Variants in RRAS2 observed in about 807,000 individuals in gnomAD.
RRAS2 encodes ras-related protein R-Ras2.
In RRAS2, 7 loss-of-function variants were observed where a neutral mutation model predicts 27.6. The ratio of observed to expected loss-of-function variants is 0.25; its 90% CI spans 0.14 to 0.48. The LOEUF (loss-of-function observed/expected upper bound fraction) is 0.48, where lower values mean the gene tolerates loss of function less well. RRAS2 is among the 20% of genes least tolerant of loss of function. The pLI is 0.99. For synonymous variants in RRAS2, 86 were observed against 90.9 expected (o/e 0.95, Z 0.31); for missense variants, 178 against 256.2 (o/e 0.69, Z 2.08).
chr11:14,363,257 G>A (rs1264976974), upstream of RRAS2, among the ~76,000 whole-genome samples: 2 of 152,154 alleles, frequency 1.3e-5, no homozygotes, highest in African/African-American at 4.8e-5. Context: ...GCTTTAGTGG[G>A]CTTTAAGAGC....
At chr11:14,296,637 C>T (rs1554946663) in intron 1 of RRAS2, among the ~76,000 whole-genome samples, 1 of 152,160 alleles carries the variant, frequency 6.6e-6, no homozygotes, top group Non-Finnish European at 1.5e-5. Flanking sequence ...TTTCTTTTCT[C>T]ACACTTTGTC....
At chr11:14,299,512 A>G (rs145732515) in intron 1 of RRAS2, among the ~76,000 whole-genome samples, 1 of 152,200 alleles carries the variant, frequency 6.6e-6, no homozygotes, top group Non-Finnish European at 1.5e-5. Flanking sequence ...GTTTCTTTAC[A>G]TGCTATGCAA....
intron 1 of RRAS2, among the ~76,000 whole-genome samples, chr11:14,346,935 G>T (rs1848846081): frequency 1.3e-5 from 2 of 152,084 alleles, no homozygotes; most frequent in Admixed American, 1.3e-4. Context: ...TGGGAGGATT[G>T]CTTGAGGCCA....
chr11:14,305,329 G>A (rs1298066029), intron 1 of RRAS2, among the ~76,000 whole-genome samples: 1 of 152,164 alleles, frequency 6.6e-6, no homozygotes, highest in East Asian at 1.9e-4. Flanking sequence ...ATATTCGGAG[G>A]CCAAACCACA....
intron 1 of RRAS2, among the ~76,000 whole-genome samples, chr11:14,319,445 A>G (rs1185366009): frequency 5.2e-5 from 7 of 134,728 alleles, no homozygotes; most frequent in Admixed American, 4.6e-4. Flanking sequence ...TGCAAGCTCC[A>G]CTTCCCGGGT....
In RRAS2 at chr11:14,324,984, T is replaced by C. The variant is rs1335684347; in HGVS notation, c.109-29129A>G. On this transcript the variant is annotated intron_variant, in intron 1 of 5. Transcript: ENST00000256196. ...GAGGGGAGAGATTATAAAGGGTTCA[T>C]AAATCTCTAAGCACAGCCTGTATTA... Among the ~76,000 whole-genome samples the C allele has an allele frequency of 2.6e-5, 4 of 152,206 alleles. No individual in the cohort carries two copies. The East Asian group carries it at 7.7e-4, about 29-fold the overall frequency.
exon 1 of RRAS2, chr11:14,364,489 G>T (rs1849228975): frequency 2.9e-6 from 3 of 1,046,468 alleles, no homozygotes; most frequent in South Asian, 2.7e-5. Flanking sequence ...CCCAGCAGGA[G>T]CTGCATGCAT....
chr11:14,294,389 C>A, intron 4 of RRAS2, 82 bp downstream of exon 4: 2 of 936,252 alleles, frequency 2.1e-6, no homozygotes, highest in Non-Finnish European at 1.6e-6. Flanking sequence ...TTTTACTAGA[C>A]TTTCAATTAT....
At chr11:14,315,504 A>T (rs561639666) in intron 1 of RRAS2, among the ~76,000 whole-genome samples, 2 of 152,366 alleles carry the variant, frequency 1.3e-5, no homozygotes, top group Non-Finnish European at 2.9e-5. Context: ...AACTAAATGT[A>T]ATGTGTTATC....
chr11:14,349,205 T>G (rs1848899690), intron 1 of RRAS2, among the ~76,000 whole-genome samples: 1 of 150,874 alleles, frequency 6.6e-6, no homozygotes, highest in Non-Finnish European at 1.5e-5. Flanking sequence ...CAAGCTGGAC[T>G]GCAGTGGCGC....
chr11:14,303,096 T>C (rs1479882197), intron 1 of RRAS2, among the ~76,000 whole-genome samples: 2 of 152,222 alleles, frequency 1.3e-5, no homozygotes, highest in African/African-American at 2.4e-5. Context: ...TGCAATGCTT[T>C]CAACACTCCA....
intron 1 of RRAS2, among the ~76,000 whole-genome samples, chr11:14,309,849 A>G (rs577144816): frequency 3.3e-5 from 5 of 152,242 alleles, no homozygotes; most frequent in Admixed American, 6.5e-5. Context: ...ATTCAAAGTG[A>G]AATGAAAACC....
At chr11:14,361,006 A>G (rs1392165009), upstream of RRAS2, among the ~76,000 whole-genome samples, 2 of 151,432 alleles carry the variant, frequency 1.3e-5, no homozygotes, top group Non-Finnish European at 2.9e-5. Context: ...TGAGCAAAAT[A>G]AAATTGTAGT....
intron 4 of RRAS2, among the ~76,000 whole-genome samples, chr11:14,284,930 A>G (rs945875793): frequency 3.9e-5 from 6 of 152,088 alleles, no homozygotes; most frequent in Non-Finnish European, 7.4e-5. Flanking sequence ...TTCTTGTAGC[A>G]TCTTGTTTTT....
intron 1 of RRAS2, among the ~76,000 whole-genome samples, chr11:14,338,079 G>C (rs183313784): frequency 2.8e-4 from 42 of 152,124 alleles, no homozygotes; most frequent in Admixed American, 2.6e-3. Context: ...ATATTTAAAA[G>C]TTATATTATA....
intron 1 of RRAS2, among the ~76,000 whole-genome samples, chr11:14,334,234 C>A (rs1848544649): frequency 6.6e-6 from 1 of 152,142 alleles, no homozygotes; most frequent in Non-Finnish European, 1.5e-5. Flanking sequence ...TAGTATTTTA[C>A]TAACCTGTGT....
intron 1 of RRAS2, among the ~76,000 whole-genome samples, chr11:14,355,036 T>C (rs782561026): frequency 1.1e-4 from 17 of 152,122 alleles, no homozygotes; most frequent in Non-Finnish European, 2.2e-4. Flanking sequence ...ACCTGCATTA[T>C]TTTATTTACT....
At chr11:14,342,975 T>G in intron 1 of RRAS2, among the ~76,000 whole-genome samples, 1 of 152,202 alleles carries the variant, frequency 6.6e-6, no homozygotes, top group East Asian at 1.9e-4. Context: ...CCATTTTAAG[T>G]AATAATGTAT....
intron 1 of RRAS2, among the ~76,000 whole-genome samples, chr11:14,337,386 C>G (rs1200852496): frequency 6.6e-6 from 1 of 152,098 alleles, no homozygotes; most frequent in Non-Finnish European, 1.5e-5. Flanking sequence ...CATCATGCCT[C>G]AACGATCCAG....
Sources: gnomAD v4.1 joint callset for allele counts (sites outside exome capture counted in the v4.1 genomes callset) on GRCh38, gnomAD v4.1.1 for gene constraint, MANE v1.5 for transcripts, NCBI Gene and HGNC (gene_info 2026-07-23, HGNC 2026-07-21) for gene names.